PCDH9: variants seen among roughly 807,000 people sequenced by gnomAD.
PCDH9 encodes protocadherin 9, also known as protocadherin-9.
PCDH9 carries 24 observed loss-of-function variants against 70.6 expected under a neutral mutation model. The observed-to-expected ratio is 0.34, with a 90% CI of 0.25 to 0.48. The LOEUF (loss-of-function observed/expected upper bound fraction) is 0.48, where lower values mean the gene tolerates loss of function less well. PCDH9 is among the 20% of genes least tolerant of loss of function. The probability of loss-of-function intolerance (pLI) is 0.99; values close to 1 mark genes in which losing one functional copy is unlikely to be tolerated. For missense variants in PCDH9, 1,281 were observed against 1,503.6 expected, an observed-to-expected ratio of 0.85 and a Z score of 2.45; for synonymous variants, 562 against 558.5, an observed-to-expected ratio of 1.01 and a Z score of -0.09.
intron 3 of PCDH9, among the ~76,000 whole-genome samples, chr13:66,853,529 T>C (rs1191490005): frequency 6.6e-6 from 1 of 152,076 alleles, no homozygotes; most frequent in Non-Finnish European, 1.5e-5. Flanking sequence ...TTTTTAGCCT[T>C]TCAACTAGGA....
At chr13:66,758,693 T>G (rs1459920642) in intron 3 of PCDH9, among the ~76,000 whole-genome samples, 1 of 152,014 alleles carries the variant, frequency 6.6e-6, no homozygotes, top group Non-Finnish European at 1.5e-5. Flanking sequence ...TTGAGAATAA[T>G]TGGTATTAAT....
chr13:66,436,129 A>G (rs1211867246), intron 4 of PCDH9, among the ~76,000 whole-genome samples: 1 of 152,144 alleles, frequency 6.6e-6, no homozygotes, highest in Non-Finnish European at 1.5e-5. Flanking sequence ...GGGGAGAGTC[A>G]CTGCTGTGGC....
chr13:66,321,461 T>C (rs764886470), intron 4 of PCDH9, among the ~76,000 whole-genome samples: 6 of 152,002 alleles, frequency 3.9e-5, no homozygotes, highest in African/African-American at 4.8e-5. Flanking sequence ...AACAGCAGAT[T>C]TGAACTGATA....
intron 4 of PCDH9, among the ~76,000 whole-genome samples, chr13:66,586,283 CAT>C (rs1467002906): frequency 2.6e-5 from 4 of 151,794 alleles, no homozygotes; most frequent in South Asian, 4.2e-4. Flanking sequence ...TAGATGCACA[CAT>C]AGAGAGAGAG....
chr13:66,617,567 C>T (rs2077371604), intron 4 of PCDH9, among the ~76,000 whole-genome samples: 2 of 152,170 alleles, frequency 1.3e-5, no homozygotes, highest in Admixed American at 1.3e-4. Context: ...TAGGATTGGG[C>T]TCAGGTGAAG....
At chr13:67,076,795 C>T (rs764320472) in intron 2 of PCDH9, among the ~76,000 whole-genome samples, 3 of 151,994 alleles carry the variant, frequency 2.0e-5, no homozygotes, top group Non-Finnish European at 4.4e-5. Flanking sequence ...AACAGATCAC[C>T]GGCCCCACTC....
chr13:66,915,619 G>A (rs76725618), intron 2 of PCDH9, among the ~76,000 whole-genome samples: 46 of 151,708 alleles, frequency 3.0e-4, no homozygotes, highest in African/African-American at 1.1e-3. Context: ...TACAGATTAT[G>A]TAAAATATAT....
intron 3 of PCDH9, among the ~76,000 whole-genome samples, chr13:66,759,973 C>T: frequency 6.6e-6 from 1 of 151,986 alleles, no homozygotes; most frequent in African/African-American, 2.4e-5. Flanking sequence ...TTGTGAAATT[C>T]ATTCATTTAA....
At chr13:66,737,745 G>A (rs2079176461) in intron 3 of PCDH9, among the ~76,000 whole-genome samples, 1 of 152,160 alleles carries the variant, frequency 6.6e-6, no homozygotes, top group African/African-American at 2.4e-5. Context: ...GGACGCACCT[G>A]GAAAATCGGG....
At chr13:66,983,636 G>A (rs2083823742) in intron 2 of PCDH9, among the ~76,000 whole-genome samples, 1 of 151,964 alleles carries the variant, frequency 6.6e-6, no homozygotes, top group South Asian at 2.1e-4. Flanking sequence ...TGTGTGCTCT[G>A]GCGACAGAAA....
chr13:67,055,061 T>C (rs1214099001), intron 2 of PCDH9, among the ~76,000 whole-genome samples: 2 of 152,232 alleles, frequency 1.3e-5, no homozygotes, highest in Non-Finnish European at 2.9e-5. Context: ...GGTCCTTTTA[T>C]GAAACTCAAT....
intron 4 of PCDH9, among the ~76,000 whole-genome samples, chr13:66,573,604 AG>A (rs2076766726): frequency 6.6e-6 from 1 of 152,186 alleles, no homozygotes; most frequent in Admixed American, 6.5e-5. Context: ...TATCTGGCAC[AG>A]GTTGAGATGC....
At chr13:66,590,235 G>A (rs964200759) in intron 4 of PCDH9, among the ~76,000 whole-genome samples, 1 of 151,792 alleles carries the variant, frequency 6.6e-6, no homozygotes, top group South Asian at 2.1e-4. Context: ...TTAAACTAAC[G>A]AATCAACCAA....
At chr13:66,950,521 T>C (rs2083162966) in intron 2 of PCDH9, among the ~76,000 whole-genome samples, 1 of 152,058 alleles carries the variant, frequency 6.6e-6, no homozygotes, top group African/African-American at 2.4e-5. Flanking sequence ...TTAACATTCC[T>C]AGTTAAGATG....
At chr13:67,117,105 A>G (rs1258531057) in intron 2 of PCDH9, among the ~76,000 whole-genome samples, 1 of 152,218 alleles carries the variant, frequency 6.6e-6, no homozygotes, top group Admixed American at 6.5e-5. Flanking sequence ...AAATTTGTAA[A>G]GAATTTATGA....
intron 4 of PCDH9, among the ~76,000 whole-genome samples, chr13:66,358,882 G>T (rs1019403838): frequency 2.0e-5 from 3 of 151,964 alleles, no homozygotes; most frequent in East Asian, 1.9e-4. Flanking sequence ...CATTTTAAAT[G>T]CTACCAACTT....
chr13:66,394,060 T>A (rs927996793), intron 4 of PCDH9, among the ~76,000 whole-genome samples: 3 of 152,254 alleles, frequency 2.0e-5, no homozygotes, highest in South Asian at 4.1e-4. Flanking sequence ...TTGGTAGAAA[T>A]GTGGAAGGTG....
chr13:66,459,172 G>A (rs1958372925), intron 4 of PCDH9, among the ~76,000 whole-genome samples: 2 of 151,946 alleles, frequency 1.3e-5, no homozygotes, highest in Non-Finnish European at 2.9e-5. Flanking sequence ...ATATTAAACT[G>A]GTTGTAAGTT....
Position 66,317,895 on chromosome 13 carries a change from T to C in PCDH9, c.3341-12867A>G, listed in dbSNP as rs73503900. Reference sequence around the variant, plus strand: ...AAAAGGCTAATATGTCATTTTAGTGTACATGTAGAATACCATTGTGAAATA... The same window carrying C: ...AAAAGGCTAATATGTCATTTTAGTGCACATGTAGAATACCATTGTGAAATA... On this transcript the variant is annotated intron_variant, in intron 4 of 4. Transcript: ENST00000377865. Among the ~76,000 whole-genome samples the C allele has an allele frequency of 9.3e-3, 1,411 of 152,296 alleles. 23 individuals carry two copies. Among genetic ancestry groups the C allele is most frequent in the African/African-American group, 0.032 (1,323 of 41,564 alleles).
Sources: gnomAD v4.1 joint callset for allele counts (sites outside exome capture counted in the v4.1 genomes callset) on GRCh38, gnomAD v4.1.1 for gene constraint, MANE v1.5 for transcripts, NCBI Gene and HGNC (gene_info 2026-07-23, HGNC 2026-07-21) for gene names.